The following SPOCK1 variants were observed in gnomAD, a reference collection of about 807,000 sequenced individuals.
SPOCK1 encodes SPARC (osteonectin), cwcv and kazal like domains proteoglycan 1.
In SPOCK1, 23 loss-of-function variants were observed where a neutral mutation model predicts 55.3. The ratio of observed to expected loss-of-function variants is 0.42; its 90% confidence interval spans 0.30 to 0.59. SPOCK1 has a LOEUF of 0.59. Among genes scored for constraint, SPOCK1 ranks in the 20% least tolerant of loss-of-function variants. The pLI is 0.22. For missense variants in SPOCK1, 499 were observed against 552.5 expected, an observed-to-expected ratio of 0.90 and a Z score of 0.97; for synonymous variants, 226 against 221.0, an observed-to-expected ratio of 1.02 and a Z score of -0.20.
At chr5:137,259,581 A>G (rs1327753707) in intron 3 of SPOCK1, among the ~76,000 whole-genome samples, 3 of 152,024 alleles carry the variant, frequency 2.0e-5, no homozygotes, top group African/African-American at 7.3e-5. Context: ...TGGCACATGT[A>G]TACCTATGTA....
In SPOCK1 at chr5:137,192,060, C is replaced by T. The variant is rs916377217; in HGVS notation, c.233-51366G>A. ...GACCAGCCTAGTCAACACAGTGAAA[C>T]CTCGTATCTACTAAAATACAAAAAA... On this transcript the variant is annotated intron_variant, in intron 3 of 10. Coordinates refer to ENST00000394945, the MANE Select transcript of SPOCK1 (RefSeq NM_004598.4). Among the ~76,000 whole-genome samples the T allele has an allele frequency of 5.9e-5, 9 of 151,594 alleles. 1 individual carries two copies. Among genetic ancestry groups the T allele is most frequent in the Non-Finnish European group, 1.0e-4 (7 of 67,916 alleles).
chr5:137,206,507 C>T (rs897014550), intron 3 of SPOCK1, among the ~76,000 whole-genome samples: 9 of 152,224 alleles, frequency 5.9e-5, no homozygotes, highest in African/African-American at 1.9e-4. Context: ...AGGGCCATGA[C>T]TCAGTGGAAT....
chr5:137,282,071 A>T (rs1757174232), intron 2 of SPOCK1, among the ~76,000 whole-genome samples: 1 of 152,158 alleles, frequency 6.6e-6, no homozygotes, highest in African/African-American at 2.4e-5. Context: ...TGCCTACTCT[A>T]TCGGGTTAAC....
chr5:137,223,497 G>A (rs1028686621), intron 3 of SPOCK1, among the ~76,000 whole-genome samples: 2 of 152,124 alleles, frequency 1.3e-5, no homozygotes, highest in East Asian at 1.9e-4. Flanking sequence ...AATTGACTAC[G>A]TAGTTGGCTG....
At chr5:137,265,329 T>C (rs1245881404) in intron 3 of SPOCK1, among the ~76,000 whole-genome samples, 1 of 152,228 alleles carries the variant, frequency 6.6e-6, no homozygotes, top group East Asian at 1.9e-4. Context: ...TGACAGTTAT[T>C]TAGGCAACAT....
At chr5:137,186,656 G>A (rs1305605506) in intron 3 of SPOCK1, among the ~76,000 whole-genome samples, 1 of 152,202 alleles carries the variant, frequency 6.6e-6, no homozygotes, top group Non-Finnish European at 1.5e-5. Flanking sequence ...TGACCCAAGT[G>A]GAGCCAAGAC....
intron 2 of SPOCK1, among the ~76,000 whole-genome samples, chr5:137,382,838 T>A (rs551577909): frequency 6.6e-6 from 1 of 152,334 alleles, no homozygotes; most frequent in East Asian, 1.9e-4. Context: ...ATTACCCAGC[T>A]TAAACATATT....
At chr5:137,241,769 C>A (rs1011259803) in intron 3 of SPOCK1, among the ~76,000 whole-genome samples, 4 of 152,138 alleles carry the variant, frequency 2.6e-5, no homozygotes, top group African/African-American at 7.2e-5. Context: ...CAATAAATTT[C>A]TCTTCATTAT....
At chr5:137,455,913 TAGCTA>T (rs1420617697) in intron 2 of SPOCK1, among the ~76,000 whole-genome samples, 3 of 151,976 alleles carry the variant, frequency 2.0e-5, no homozygotes, top group African/African-American at 7.2e-5. Context: ...GGTGCACACC[TAGCTA>T]CACGGGAGGT....
intron 2 of SPOCK1, among the ~76,000 whole-genome samples, chr5:137,433,522 T>C (rs1315441903): frequency 6.6e-6 from 1 of 152,206 alleles, no homozygotes; most frequent in Non-Finnish European, 1.5e-5. Flanking sequence ...CTAGCATTGA[T>C]GCTCAGGAGA....
intron 2 of SPOCK1, among the ~76,000 whole-genome samples, chr5:137,335,429 T>TC (rs1478769922): frequency 3.9e-5 from 6 of 152,252 alleles, no homozygotes; most frequent in Non-Finnish European, 8.8e-5. Context: ...CACTTTCTTC[T>TC]CTATACTTCC....
intron 2 of SPOCK1, among the ~76,000 whole-genome samples, chr5:137,380,218 G>A (rs1751433547): frequency 6.6e-6 from 1 of 152,176 alleles, no homozygotes. Context: ...TGGCGGCCGG[G>A]GGAAAGGTGA....
intron 5 of SPOCK1, among the ~76,000 whole-genome samples, chr5:137,110,311 A>G (rs1753443770): frequency 6.6e-6 from 1 of 152,210 alleles, no homozygotes; most frequent in African/African-American, 2.4e-5. Context: ...CCTTGCTACT[A>G]AAAGTGTGGT....
chr5:137,490,923 A>G (rs966192768), intron 2 of SPOCK1, among the ~76,000 whole-genome samples: 1 of 152,194 alleles, frequency 6.6e-6, no homozygotes, highest in African/African-American at 2.4e-5. Context: ...TGACTCCCCC[A>G]ACATGTTTCT....
chr5:137,453,368 T>G (rs1753296218), intron 2 of SPOCK1, among the ~76,000 whole-genome samples: 1 of 152,194 alleles, frequency 6.6e-6, no homozygotes, highest in Non-Finnish European at 1.5e-5. Flanking sequence ...TGTGATACTC[T>G]TGGGTAGCTA....
chr5:137,361,488 T>C (rs1318240977), intron 2 of SPOCK1, among the ~76,000 whole-genome samples: 1 of 152,132 alleles, frequency 6.6e-6, no homozygotes, highest in African/African-American at 2.4e-5. Flanking sequence ...CGTGCATAGA[T>C]AAAAATTATG....
At chr5:137,393,811 G>T (rs1415553313) in intron 2 of SPOCK1, among the ~76,000 whole-genome samples, 1 of 152,164 alleles carries the variant, frequency 6.6e-6, no homozygotes, top group Non-Finnish European at 1.5e-5. Context: ...CAGGAACATT[G>T]TATACACATA....
intron 6 of SPOCK1, among the ~76,000 whole-genome samples, chr5:137,027,666 G>C (rs555318829): frequency 8.5e-5 from 13 of 152,284 alleles, no homozygotes; most frequent in African/African-American, 3.1e-4. Flanking sequence ...TGGTAAAAGG[G>C]TGTTTTAACA....
At chr5:137,267,185 C>T (rs981541614) in intron 2 of SPOCK1, 130 bp from the exon 3 acceptor site, 19 of 692,478 alleles carry the variant, frequency 2.7e-5, no homozygotes, top group Middle Eastern at 3.8e-4. Flanking sequence ...AAATTTTTCC[C>T]AAAACAGGCA....
Sources: allele counts gnomAD v4.1 joint callset (sites outside exome capture counted in the v4.1 genomes callset), GRCh38; gene constraint gnomAD v4.1.1; transcripts MANE v1.5; gene names NCBI Gene and HGNC (gene_info 2026-07-23, HGNC 2026-07-21).